Variants in ZFPM2 observed in about 807,000 individuals in gnomAD.
The protein encoded by ZFPM2 is zinc finger protein ZFPM2.
In ZFPM2, 20 loss-of-function variants were observed where a neutral mutation model predicts 98.6. That is an observed-to-expected ratio of 0.20 (90% CI 0.14 to 0.29). The LOEUF is 0.29. ZFPM2 is among the 10% of genes least tolerant of loss of function. The pLI is 1.00. For synonymous variants in ZFPM2, 518 were observed against 502.7 expected, an observed-to-expected ratio of 1.03 and a Z score of -0.41; for missense variants, 1,310 against 1,388.6, an observed-to-expected ratio of 0.94 and a Z score of 0.90.
chr8:105,620,731 G>C (rs1816522228), intron 4 of ZFPM2, among the ~76,000 whole-genome samples: 2 of 152,136 alleles, frequency 1.3e-5, no homozygotes, highest in Non-Finnish European at 2.9e-5. Flanking sequence ...AAGGGATCCA[G>C]TTTCAGCTTT....
intron 3 of ZFPM2, among the ~76,000 whole-genome samples, chr8:105,537,675 C>G (rs1044729121): frequency 1.3e-5 from 2 of 152,006 alleles, no homozygotes; most frequent in African/African-American, 4.8e-5. Flanking sequence ...GTGTGAGACC[C>G]TGACTCTAAA....
chr8:105,720,433 T>C (rs549457736), intron 5 of ZFPM2, among the ~76,000 whole-genome samples: 2 of 152,018 alleles, frequency 1.3e-5, no homozygotes, highest in African/African-American at 2.4e-5. Context: ...TAATTCTTAG[T>C]GTTCACTACT....
chr8:105,402,515 T>TA (rs1481458325), intron 1 of ZFPM2, among the ~76,000 whole-genome samples: 1 of 152,030 alleles, frequency 6.6e-6, no homozygotes. Flanking sequence ...TTAACCCGTC[T>TA]TTAGAGAGGA....
At chr8:105,489,546 C>G (rs1813316926) in intron 3 of ZFPM2, among the ~76,000 whole-genome samples, 1 of 149,356 alleles carries the variant, frequency 6.7e-6, no homozygotes, top group South Asian at 2.1e-4. Context: ...TCACTGCAGC[C>G]TCTGCCTCAT....
intron 3 of ZFPM2, among the ~76,000 whole-genome samples, chr8:105,465,463 A>G (rs1180510807): frequency 6.6e-6 from 1 of 151,948 alleles, no homozygotes; most frequent in East Asian, 1.9e-4. Context: ...TTTATTTAGT[A>G]TAAAAATGAA....
At chr8:105,488,268 G>A (rs1000205042) in intron 3 of ZFPM2, among the ~76,000 whole-genome samples, 1 of 152,156 alleles carries the variant, frequency 6.6e-6, no homozygotes, top group Non-Finnish European at 1.5e-5. Flanking sequence ...TAAGCAATCC[G>A]TGATGTATTG....
Position 105,634,297 on chromosome 8 carries a change from C to T in ZFPM2, c.472C>T (p.Leu158=). 6.2e-7 allele frequency: 1 copy of T among 1,613,142 alleles called. No homozygotes were observed. The highest frequency in any genetic ancestry group is 1.1e-5 in the South Asian group (1 of 90,856). Residue 158 remains leucine (L), a synonymous_variant, in exon 5 of 8, where the codon CTG becomes TTG. Coordinates refer to ENST00000407775, the MANE Select transcript of ZFPM2 (RefSeq NM_012082.4). ...MVLTAGPKWL[L]DVTWQGVEDN... ...GCTGACTGCTGGTCCCAAGTGGTTG[C>T]TGGATGTGACTTGGCAAGGAGTGGA... is the stretch of plus-strand genomic sequence containing the variant.
chr8:105,706,352 T>C (rs774388463), intron 5 of ZFPM2, among the ~76,000 whole-genome samples: 1 of 152,164 alleles, frequency 6.6e-6, no homozygotes, highest in Admixed American at 6.5e-5. Context: ...TATGACAGTA[T>C]GCAAAAATGA....
At chr8:105,524,886 G>A (rs1814141611) in intron 3 of ZFPM2, among the ~76,000 whole-genome samples, 2 of 152,084 alleles carry the variant, frequency 1.3e-5, no homozygotes, top group African/African-American at 4.8e-5. Flanking sequence ...TTTAAAACAA[G>A]TGTCTCACCA....
At chr8:105,463,319 A>G (rs1354991885) in intron 3 of ZFPM2, among the ~76,000 whole-genome samples, 3 of 151,806 alleles carry the variant, frequency 2.0e-5, no homozygotes, top group Non-Finnish European at 4.4e-5. Flanking sequence ...ATATATACAT[A>G]TATAGAGTTT....
chr8:105,484,333 A>G (rs1458222091), intron 3 of ZFPM2, among the ~76,000 whole-genome samples: 2 of 152,064 alleles, frequency 1.3e-5, no homozygotes, highest in African/African-American at 2.4e-5. Flanking sequence ...TCAATGGTTT[A>G]GTTAATTAGT....
chr8:105,657,771 A>C lies in ZFPM2; in HGVS notation c.532+23414A>C, dbSNP rs76006176. Reference sequence around the variant, plus strand: ...ATGTTATAAAGCTGGAGAAGGATAGAGTCATAATTTGGATCTAGGTTTGTC... The same window carrying C: ...ATGTTATAAAGCTGGAGAAGGATAGCGTCATAATTTGGATCTAGGTTTGTC... On this transcript the variant is annotated intron_variant, in intron 5 of 7. Coordinates refer to ENST00000407775, the MANE Select transcript of ZFPM2 (RefSeq NM_012082.4). 6.0e-4 allele frequency among the ~76,000 whole-genome samples: 91 copies of C among 152,352 alleles called. No homozygotes were observed. The East Asian group carries it at 0.017, about 28-fold the overall frequency.
chr8:105,325,853 G>A (rs1267278754), intron 1 of ZFPM2, among the ~76,000 whole-genome samples: 1 of 151,686 alleles, frequency 6.6e-6, no homozygotes, highest in Admixed American at 6.6e-5. Context: ...TTGTGCTTTT[G>A]ACAAATACTT....
intron 3 of ZFPM2, among the ~76,000 whole-genome samples, chr8:105,518,974 T>C (rs564955864): frequency 6.6e-6 from 1 of 152,308 alleles, no homozygotes; most frequent in African/African-American, 2.4e-5. Flanking sequence ...TGCTTTAGGA[T>C]TTGGAGACAA....
chr8:105,696,671 T>C (rs1281204076), intron 5 of ZFPM2, among the ~76,000 whole-genome samples: 2 of 152,196 alleles, frequency 1.3e-5, no homozygotes, highest in Non-Finnish European at 2.9e-5. Flanking sequence ...AAATATGAAA[T>C]ATTTTTATTC....
chr8:105,485,381 CA>C (rs1813211658), intron 3 of ZFPM2, among the ~76,000 whole-genome samples: 1 of 151,986 alleles, frequency 6.6e-6, no homozygotes, highest in Non-Finnish European at 1.5e-5. Context: ...TGTAATTAAC[CA>C]GGCTAGTACA....
chr8:105,650,495 C>G (rs1257662467), intron 5 of ZFPM2, among the ~76,000 whole-genome samples: 12 of 152,192 alleles, frequency 7.9e-5, no homozygotes, highest in Non-Finnish European at 2.9e-5. Flanking sequence ...TTCTTTCCTG[C>G]TTTCTCTGAT....
intron 5 of ZFPM2, among the ~76,000 whole-genome samples, chr8:105,729,866 C>G (rs1417744885): frequency 6.6e-6 from 1 of 151,096 alleles, no homozygotes; most frequent in Non-Finnish European, 1.5e-5. Context: ...TATGCATACT[C>G]TCTCTATTAA....
chr8:105,702,949 T>C (rs1179951866), intron 5 of ZFPM2, among the ~76,000 whole-genome samples: 1 of 152,142 alleles, frequency 6.6e-6, no homozygotes, highest in African/African-American at 2.4e-5. Context: ...AATCTAATAT[T>C]ATCTAAAATA....
Sources: allele counts gnomAD v4.1 joint callset (sites outside exome capture counted in the v4.1 genomes callset), GRCh38; gene constraint gnomAD v4.1.1; transcripts MANE v1.5; gene names NCBI Gene and HGNC (gene_info 2026-07-23, HGNC 2026-07-21).